The following CAPRIN1 variants were observed in gnomAD, a reference collection of about 807,000 sequenced individuals.
CAPRIN1 encodes caprin-1.
A neutral mutation model predicts 100.9 loss-of-function variants in CAPRIN1; 29 were observed. That is an observed-to-expected ratio of 0.29 (90% CI 0.21 to 0.39). CAPRIN1 has a LOEUF of 0.39. CAPRIN1 is among the 10% of genes least tolerant of loss of function. The probability of loss-of-function intolerance (pLI) is 1.00; values close to 1 mark genes in which losing one functional copy is unlikely to be tolerated. For synonymous variants in CAPRIN1, 338 were observed against 307.5 expected (o/e 1.10, Z -1.04); for missense variants, 795 against 876.7 (o/e 0.91, Z 1.18).
At chr11:34,096,733 T>G (rs1291603335) in intron 16 of CAPRIN1, 60 bp downstream of exon 16, 6 of 1,310,474 alleles carry the variant, frequency 4.6e-6, no homozygotes, top group Non-Finnish European at 5.3e-6. Flanking sequence ...ATTTTTTGAT[T>G]TGTAAAATAT....
chr11:34,079,840 C>T, intron 7 of CAPRIN1, 75 bp downstream of exon 7: 15 of 1,382,974 alleles, frequency 1.1e-5, no homozygotes, highest in Non-Finnish European at 1.5e-5. Context: ...TTAAACTATA[C>T]ACTTACTTAG....
At chr11:34,052,267 C>G (rs1232909996) in intron 1 of CAPRIN1, 154 bp from the exon 2 acceptor site, 3 of 617,042 alleles carry the variant, frequency 4.9e-6, no homozygotes, top group Non-Finnish European at 8.2e-6. Context: ...GCGCACTCTT[C>G]CTGCCCTCGA....
intron 15 of CAPRIN1, among the ~76,000 whole-genome samples, chr11:34,092,484 A>T (rs1218424368): frequency 6.6e-6 from 1 of 151,804 alleles, no homozygotes; most frequent in Admixed American, 6.6e-5. Context: ...CAGCCTCCCA[A>T]GTAGCTTGGG....
chr11:34,094,112 T>G (rs73501037), intron 15 of CAPRIN1, among the ~76,000 whole-genome samples: 15,530 of 152,082 alleles, frequency 0.1, 864 homozygotes, highest in African/African-American at 0.15. Flanking sequence ...CAGCTACATT[T>G]GAGGCTGAGG....
chr11:34,076,719 T>TG (rs1850915323), intron 6 of CAPRIN1, 77 bp downstream of exon 6: 13 of 1,045,432 alleles, frequency 1.2e-5, no homozygotes, highest in Middle Eastern at 4.2e-4. Context: ...TATAGTTCAC[T>TG]TGGAAGAAAA....
At chr11:34,087,778 G>T (rs1851177462) in intron 11 of CAPRIN1, among the ~76,000 whole-genome samples, 1 of 152,192 alleles carries the variant, frequency 6.6e-6, no homozygotes, top group South Asian at 2.1e-4. Flanking sequence ...GTGAAAGTCA[G>T]TATACATAGC....
chr11:34,069,899 AT>A (rs1453261101), intron 2 of CAPRIN1, among the ~76,000 whole-genome samples: 1 of 114,358 alleles, frequency 8.7e-6, no homozygotes, highest in African/African-American at 3.3e-5. Flanking sequence ...AAAATAGATC[AT>A]TTGACCTAAA....
chr11:34,064,722 C>A (rs942931643), intron 2 of CAPRIN1, among the ~76,000 whole-genome samples: 1 of 152,160 alleles, frequency 6.6e-6, no homozygotes, highest in African/African-American at 2.4e-5. Context: ...GTACTACTTA[C>A]AAATGGCAGT....
chr11:34,087,372 C>T lies in CAPRIN1; in HGVS notation c.1231+959C>T, dbSNP rs921780207. 1.4e-4 allele frequency among the ~76,000 whole-genome samples: 13 copies of T among 90,602 alleles called. No individual in the cohort carries two copies. The East Asian group carries it at 2.2e-3, about 16-fold the overall frequency. The allele number at this position is 90,602 out of a possible 152,430, so 59.4% of individuals were successfully genotyped here. On this transcript the variant is annotated intron_variant, in intron 11 of 18. Transcript: ENST00000341394. ...TTTTTGAGACGGAGTCTCGCTCTGT[C>T]GCCCAGGCTGGAGTGCAGTGGCGCA...
At chr11:34,090,133 A>G (rs1851233903) in intron 12 of CAPRIN1, 46 bp from the exon 13 acceptor site, 1 of 1,269,946 alleles carries the variant, frequency 7.9e-7, no homozygotes, top group African/African-American at 1.5e-5. Flanking sequence ...TTTAACAGTC[A>G]ATTTTGTAAG....
intron 1 of CAPRIN1, 45 bp from the exon 2 acceptor site, chr11:34,052,376 T>C: frequency 6.6e-7 from 1 of 1,517,288 alleles, no homozygotes; most frequent in Non-Finnish European, 9.1e-7. Context: ...CTGGCCGCTC[T>C]TGTCCTTCCT....
At chr11:34,080,085 G>A (rs1319048621) in intron 7 of CAPRIN1, among the ~76,000 whole-genome samples, 1 of 151,868 alleles carries the variant, frequency 6.6e-6, no homozygotes, top group African/African-American at 2.4e-5. Flanking sequence ...CACCACGCCC[G>A]GCTATTTTTT....
At chr11:34,065,531 T>C (rs1377642388) in intron 2 of CAPRIN1, among the ~76,000 whole-genome samples, 1 of 152,202 alleles carries the variant, frequency 6.6e-6, no homozygotes, top group Non-Finnish European at 1.5e-5. Context: ...CAGTTGATGC[T>C]GATGTTGCTG....
intron 2 of CAPRIN1, among the ~76,000 whole-genome samples, chr11:34,055,061 T>C (rs564834112): frequency 1.3e-5 from 2 of 152,302 alleles, no homozygotes; most frequent in Admixed American, 1.3e-4. Flanking sequence ...TATAAGCCCC[T>C]CCTGAGGACT....
rs1851437982 is a variant in CAPRIN1, at chr11:34,100,497, T to C, written c.*1130T>C. The C allele has an allele frequency of 6.6e-6, 1 of 152,230 alleles. No homozygotes were observed. 9.4% of individuals were successfully genotyped at this position (152,230 alleles called of 1,614,324 possible). On this transcript the variant is annotated 3_prime_UTR_variant, in exon 19 of 19. Transcript: ENST00000341394. ...GGTATAAGCAAAACAAATAAAACGT[T>C]TATAAAAGTTGTATCTTGAAACACT... is the stretch of plus-strand genomic sequence containing the variant.
At position 34,093,963 on chromosome 11, in the gene CAPRIN1, TA is replaced by T. The variant is rs987045633; in HGVS notation, c.1705+1908del. The stretch of plus-strand genomic sequence containing the variant: ...TGATAAGTACATGGATTGCTTTTTC[TA>T]TTTTTTTAAAAAAAGTTCATTTGTT... On this transcript the variant is annotated intron_variant, in intron 15 of 18. Coordinates refer to ENST00000341394, the MANE Select transcript of CAPRIN1 (RefSeq NM_005898.5). Among the ~76,000 whole-genome samples the T allele has an allele frequency of 5.2e-3, 167 of 32,006 alleles. 1 individual carries two copies. The highest frequency in any genetic ancestry group is 0.036 in the East Asian group (1 of 28). The allele number at this position is 32,006 out of a possible 152,430, so 21.0% of individuals were successfully genotyped here.
chr11:34,079,900 A>T, intron 7 of CAPRIN1, 135 bp downstream of exon 7: 1 of 653,932 alleles, frequency 1.5e-6, no homozygotes, highest in Non-Finnish European at 2.3e-6. Flanking sequence ...TTTAAGCATG[A>T]CAAAGTTTTT....
At chr11:34,090,787 C>G (rs1851248732) in intron 14 of CAPRIN1, 109 bp downstream of exon 14, 2 of 872,526 alleles carry the variant, frequency 2.3e-6, no homozygotes, top group Non-Finnish European at 3.6e-6. Context: ...CTGCATCTTT[C>G]ATTAACTGTA....
intron 2 of CAPRIN1, among the ~76,000 whole-genome samples, chr11:34,055,958 AGCACATCT>A (rs1850441919): frequency 2.0e-5 from 3 of 152,200 alleles, no homozygotes; most frequent in Admixed American, 1.3e-4. Context: ...CCTAAATTTA[AGCACATCT>A]GGTTTTTAGT....
Sources: allele counts gnomAD v4.1 joint callset (sites outside exome capture counted in the v4.1 genomes callset), GRCh38; gene constraint gnomAD v4.1.1; transcripts MANE v1.5; gene names NCBI Gene and HGNC (gene_info 2026-07-23, HGNC 2026-07-21).